The following RGL1 variants were observed in gnomAD, a reference collection of about 807,000 sequenced individuals.
RGL1 encodes the protein ral guanine nucleotide dissociation stimulator-like 1.
In RGL1, 24 loss-of-function variants were observed where a neutral mutation model predicts 95.2. The ratio of observed to expected loss-of-function variants is 0.25; its 90% CI spans 0.18 to 0.35. The LOEUF (loss-of-function observed/expected upper bound fraction) is 0.35, where lower values mean the gene tolerates loss of function less well. RGL1 is among the 10% of genes least tolerant of loss of function. The pLI, the probability that RGL1 is intolerant of heterozygous loss-of-function variation, is 1.00. For synonymous variants in RGL1, 329 were observed against 344.9 expected, an observed-to-expected ratio of 0.95 and a Z score of 0.51; for missense variants, 715 against 936.3, an observed-to-expected ratio of 0.76 and a Z score of 3.08.
intron 8 of RGL1, 93 bp downstream of exon 8, chr1:183,888,670 A>G: frequency 1.3e-6 from 1 of 756,612 alleles, no homozygotes; most frequent in Non-Finnish European, 2.3e-6. Flanking sequence ...TCGCATAACT[A>G]GAGAAACATA....
intron 2 of RGL1, among the ~76,000 whole-genome samples, chr1:183,757,663 A>T (rs1035978346): frequency 6.6e-6 from 1 of 152,210 alleles, no homozygotes; most frequent in African/African-American, 2.4e-5. Flanking sequence ...AGAAAATATC[A>T]TTTATTGAGC....
At chr1:183,829,597 C>G (rs1046319088) in intron 2 of RGL1, among the ~76,000 whole-genome samples, 1 of 152,136 alleles carries the variant, frequency 6.6e-6, no homozygotes, top group Admixed American at 6.5e-5. Flanking sequence ...CATATTTACA[C>G]TTACATTTGA....
At chr1:183,794,950 C>T (rs938393273) in intron 2 of RGL1, among the ~76,000 whole-genome samples, 1 of 151,952 alleles carries the variant, frequency 6.6e-6, no homozygotes, top group African/African-American at 2.4e-5. Flanking sequence ...TATGCCTTTT[C>T]TCTGCTTTTA....
intron 16 of RGL1, among the ~76,000 whole-genome samples, chr1:183,918,031 T>C (rs1263361661): frequency 6.6e-6 from 1 of 152,042 alleles, no homozygotes; most frequent in Non-Finnish European, 1.5e-5. Flanking sequence ...TGAGGTAGAA[T>C]TGTAGAATCC....
At chr1:183,784,014 C>A (rs535948823) in intron 2 of RGL1, among the ~76,000 whole-genome samples, 1 of 152,184 alleles carries the variant, frequency 6.6e-6, no homozygotes, top group South Asian at 2.1e-4. Flanking sequence ...GAAGAAGTTT[C>A]AATGGTGTGG....
intron 2 of RGL1, among the ~76,000 whole-genome samples, chr1:183,823,566 G>A (rs960528679): frequency 6.6e-6 from 1 of 152,074 alleles, no homozygotes; most frequent in East Asian, 1.9e-4. Context: ...AGCAATACTC[G>A]CCAGTTAACA....
At chr1:183,653,012 C>T (rs1650878395) in intron 1 of RGL1, 1 of 152,226 alleles carries the variant, frequency 6.6e-6, no homozygotes, top group African/African-American at 2.4e-5. Flanking sequence ...GGAGTTTGCC[C>T]TTCACAATCT....
At chr1:183,921,262 A>G (rs1669295532) in intron 16 of RGL1, among the ~76,000 whole-genome samples, 3 of 152,224 alleles carry the variant, frequency 2.0e-5, no homozygotes, top group Non-Finnish European at 4.4e-5. Flanking sequence ...CATAATTTGC[A>G]TGTAGTTACA....
At chr1:183,707,109 C>T (rs1182734844) in intron 1 of RGL1, among the ~76,000 whole-genome samples, 5 of 152,094 alleles carry the variant, frequency 3.3e-5, no homozygotes, top group Middle Eastern at 3.2e-3. Flanking sequence ...GTCTTGATGG[C>T]GGCGTCCAGG....
At position 183,701,651 on chromosome 1, in the gene RGL1, T is replaced by C. The variant is rs1034527987; in HGVS notation, c.-32-40475T>C. 6.9e-4 allele frequency among the ~76,000 whole-genome samples: 105 copies of C among 152,228 alleles called. 1 individual carries two copies. Among genetic ancestry groups the C allele is most frequent in the African/African-American group, 2.5e-3 (103 of 41,534 alleles). Reference sequence around the variant, plus strand: ...CCATTTTTCTTTTTTAAAATAATATTTTATTGGCCGGGTGCAGTGGCTCAT... The same window carrying C: ...CCATTTTTCTTTTTTAAAATAATATCTTATTGGCCGGGTGCAGTGGCTCAT... On this transcript the variant is annotated intron_variant, in intron 1 of 18. Transcript: ENST00000304685.
At position 183,805,195 on chromosome 1, in the gene RGL1, G is replaced by A. The variant is rs1045889431; in HGVS notation, c.-103G>A. The A allele has an allele frequency of 1.3e-6, 2 of 1,504,044 alleles. No individual in the cohort carries two copies. The highest frequency in any genetic ancestry group is 1.8e-6 in the Non-Finnish European group (2 of 1,117,988). 93.2% of individuals were successfully genotyped at this position (1,504,044 alleles called of 1,614,324 possible). A position where few individuals can be genotyped will look rare whatever the true frequency, so the allele number is the denominator to read the frequency against. On this transcript the variant is annotated 5_prime_UTR_variant, in exon 1 of 18. Coordinates refer to ENST00000360851, the MANE Select transcript of RGL1 (RefSeq NM_001297671.3). ...CTGTGCGCTGCGGTCGCTCGGGACCGGGACCGGGGCGAGGCGCCGCGGGGC... is the reference window on the plus strand; with the variant it reads ...CTGTGCGCTGCGGTCGCTCGGGACCAGGACCGGGGCGAGGCGCCGCGGGGC...
chr1:183,865,813 T>C (rs932190749), intron 3 of RGL1, among the ~76,000 whole-genome samples, 183 bp from the exon 4 acceptor site: 16 of 152,252 alleles, frequency 1.1e-4, no homozygotes, highest in African/African-American at 3.6e-4. Flanking sequence ...GTTTAGAATA[T>C]GCAGATATAT....
chr1:183,643,976 G>A (rs1177530916), intron 1 of RGL1, among the ~76,000 whole-genome samples: 1 of 152,038 alleles, frequency 6.6e-6, no homozygotes, highest in Non-Finnish European at 1.5e-5. Flanking sequence ...CAGGGGAGTG[G>A]GGGAGGGCCA....
At chr1:183,640,852 C>T (rs928129909) in intron 1 of RGL1, among the ~76,000 whole-genome samples, 2 of 152,010 alleles carry the variant, frequency 1.3e-5, no homozygotes, top group Admixed American at 6.6e-5. Flanking sequence ...CTGCTTTGTT[C>T]CTATTTCAAT....
At chr1:183,805,409 C>T (rs978938615) in intron 1 of RGL1, 85 bp downstream of exon 1, 2 of 1,140,894 alleles carry the variant, frequency 1.8e-6, no homozygotes, top group Non-Finnish European at 2.6e-6. Flanking sequence ...TGGACTCCCT[C>T]GGAGTGAACG....
chr1:183,881,320 A>G (rs1310284126), intron 5 of RGL1, among the ~76,000 whole-genome samples: 1 of 152,198 alleles, frequency 6.6e-6, no homozygotes, highest in Non-Finnish European at 1.5e-5. Flanking sequence ...GAAAAGCATC[A>G]CTGTAACGGG....
intron 8 of RGL1, among the ~76,000 whole-genome samples, chr1:183,891,061 A>T (rs1165460452): frequency 6.6e-6 from 1 of 152,198 alleles, no homozygotes; most frequent in Non-Finnish European, 1.5e-5. Flanking sequence ...AGACAAAGGG[A>T]ATACCTATTT....
chr1:183,651,108 A>G (rs1445069709), intron 1 of RGL1, among the ~76,000 whole-genome samples: 2 of 152,006 alleles, frequency 1.3e-5, no homozygotes, highest in African/African-American at 4.8e-5. Context: ...ATTGCACCAA[A>G]TTTTACATTT....
At chr1:183,909,109 G>A (rs568099941) in intron 14 of RGL1, among the ~76,000 whole-genome samples, 1 of 152,302 alleles carries the variant, frequency 6.6e-6, no homozygotes, top group Admixed American at 6.5e-5. Context: ...ATAACCCTTG[G>A]TATCTGCAGT....
Sources: allele counts gnomAD v4.1 joint callset (sites outside exome capture counted in the v4.1 genomes callset), GRCh38; gene constraint gnomAD v4.1.1; transcripts MANE v1.5; gene names NCBI Gene and HGNC (gene_info 2026-07-23, HGNC 2026-07-21).